ZNF560: variants seen among roughly 807,000 people sequenced by gnomAD.
The protein encoded by ZNF560 is zinc finger protein 560.
Under a neutral mutation model 81.8 loss-of-function variants are expected in ZNF560, and 54 were observed. The observed-to-expected ratio is 0.66, with a 90% CI of 0.53 to 0.83. The LOEUF is 0.83. Among genes scored for constraint, ZNF560 ranks in the 40% least tolerant of loss-of-function variants. ZNF560 has a pLI of 0.00. For synonymous variants in ZNF560, 321 were observed against 317.9 expected, an observed-to-expected ratio of 1.01 and a Z score of -0.10; for missense variants, 940 against 932.4, an observed-to-expected ratio of 1.01 and a Z score of -0.11.
chr19:9,484,209 T>C (rs1200748927), intron 2 of ZNF560, among the ~76,000 whole-genome samples: 2 of 151,886 alleles, frequency 1.3e-5, no homozygotes, highest in African/African-American at 4.8e-5. Flanking sequence ...TTCACTTGCT[T>C]ATCTGCTGAC....
chr19:9,479,777 T>C (rs1184250065), intron 2 of ZNF560, among the ~76,000 whole-genome samples: 1 of 152,122 alleles, frequency 6.6e-6, no homozygotes, highest in Non-Finnish European at 1.5e-5. Context: ...CTAAAGATAT[T>C]TTAAAGTACA....
At chr19:9,491,675 A>T (rs543859677) in intron 2 of ZNF560, among the ~76,000 whole-genome samples, 48 of 151,444 alleles carry the variant, frequency 3.2e-4, no homozygotes, top group Admixed American at 9.2e-4. Context: ...AAATACAAAA[A>T]ATTAGCTGGG....
At chr19:9,476,421 T>C (rs949304576) in intron 2 of ZNF560, among the ~76,000 whole-genome samples, 4 of 151,960 alleles carry the variant, frequency 2.6e-5, no homozygotes, top group Non-Finnish European at 5.9e-5. Context: ...GCCTCCTGAG[T>C]AGCTGGGATT....
At chr19:9,488,030 G>A (rs893075836) in intron 2 of ZNF560, among the ~76,000 whole-genome samples, 1 of 152,086 alleles carries the variant, frequency 6.6e-6, no homozygotes, top group Non-Finnish European at 1.5e-5. Flanking sequence ...CTGGAAGGAG[G>A]GGCCTAATGA....
chr19:9,453,867 C>T, the ZNF560 span, among the ~76,000 whole-genome samples: 1 of 151,962 alleles, frequency 6.6e-6, no homozygotes, highest in African/African-American at 2.4e-5. Context: ...AACCTTCATA[C>T]AAAAAAACAG....
At chr19:9,489,575 A>T (rs1055715839) in intron 2 of ZNF560, among the ~76,000 whole-genome samples, 23 of 151,564 alleles carry the variant, frequency 1.5e-4, no homozygotes, top group African/African-American at 5.3e-4. Flanking sequence ...GGTGGCCGGG[A>T]ACTTCTTTAT....
At chr19:9,469,025 G>T in intron 9 of ZNF560, 80 bp downstream of exon 9, 2 of 1,155,168 alleles carry the variant, frequency 1.7e-6, no homozygotes, top group Non-Finnish European at 2.5e-6. Context: ...ACCGTGCCTG[G>T]CCATTTCTGC....
At chr19:9,451,751 T>C in the ZNF560 span, among the ~76,000 whole-genome samples, 5 of 152,118 alleles carry the variant, frequency 3.3e-5, no homozygotes, top group African/African-American at 1.2e-4. Flanking sequence ...AGAAACTTAA[T>C]TCAACAAGCA....
chr19:9,468,366 C>T (rs2073067987), intron 9 of ZNF560, 32 bp from the exon 10 acceptor site: 1 of 1,506,806 alleles, frequency 6.6e-7, no homozygotes, highest in East Asian at 2.3e-5. Context: ...ATAAAGGAAG[C>T]ATTTTAGCAG....
At chr19:9,460,242 G>A in the ZNF560 span, among the ~76,000 whole-genome samples, 12 of 152,158 alleles carry the variant, frequency 7.9e-5, no homozygotes, top group African/African-American at 2.9e-4. Context: ...ACTGTCACGA[G>A]CAACACTCAT....
At chr19:9,490,068 TG>T (rs2073447446) in intron 2 of ZNF560, among the ~76,000 whole-genome samples, 1 of 152,198 alleles carries the variant, frequency 6.6e-6, no homozygotes, top group Non-Finnish European at 1.5e-5. Context: ...AGAGCTTCCC[TG>T]GCTAATGTAA....
downstream of ZNF560, among the ~76,000 whole-genome samples, chr19:9,462,305 A>T (rs1163593859): frequency 1.3e-5 from 2 of 152,256 alleles, no homozygotes; most frequent in Non-Finnish European, 2.9e-5. Flanking sequence ...GGTGTTCCTA[A>T]ACCACAAACA....
the ZNF560 span, among the ~76,000 whole-genome samples, chr19:9,451,851 GAT>G: frequency 6.6e-6 from 1 of 152,276 alleles, no homozygotes; most frequent in African/African-American, 2.4e-5. Context: ...AAGTAAGGAG[GAT>G]AACTTGAGTT....
At chr19:9,457,174 T>G in the ZNF560 span, among the ~76,000 whole-genome samples, 1 of 152,224 alleles carries the variant, frequency 6.6e-6, no homozygotes, top group Non-Finnish European at 1.5e-5. Context: ...CCAGTTTTCG[T>G]AATTAAGACA....
At chr19:9,462,818 C>A (rs955425383), downstream of ZNF560, among the ~76,000 whole-genome samples, 1 of 152,096 alleles carries the variant, frequency 6.6e-6, no homozygotes, top group African/African-American at 2.4e-5. Context: ...CTATCAAGGG[C>A]AAGTACAGTC....
the ZNF560 span, among the ~76,000 whole-genome samples, chr19:9,460,425 G>A: frequency 1.3e-5 from 2 of 152,198 alleles, no homozygotes; most frequent in Admixed American, 1.3e-4. Context: ...TATACTCATT[G>A]GGCATATTTA....
chr19:9,453,741 T>G, the ZNF560 span, among the ~76,000 whole-genome samples: 3 of 152,148 alleles, frequency 2.0e-5, no homozygotes, highest in African/African-American at 7.2e-5. Context: ...GAAAATAAAA[T>G]CCCATAACAA....
At chr19:9,466,342 CAAA>C (rs771609940), downstream of ZNF560, among the ~76,000 whole-genome samples, 2 of 127,072 alleles carry the variant, frequency 1.6e-5, no homozygotes, top group Admixed American at 7.9e-5. Context: ...TGAGACTCAT[CAAA>C]AAAAAAAAAA....
At chr19:9,499,943 G>A (rs571290992), upstream of ZNF560, among the ~76,000 whole-genome samples, 15 of 152,152 alleles carry the variant, frequency 9.9e-5, no homozygotes, top group Non-Finnish European at 1.9e-4. Flanking sequence ...GCAACTTTAC[G>A]GAATTTATTA....
Sources: allele counts gnomAD v4.1 joint callset (sites outside exome capture counted in the v4.1 genomes callset), GRCh38; gene constraint gnomAD v4.1.1; transcripts MANE v1.5; gene names NCBI Gene and HGNC (gene_info 2026-07-23, HGNC 2026-07-21).